The following CSMD2 variants were observed in gnomAD, a reference collection of about 807,000 sequenced individuals.
The protein encoded by CSMD2 is CUB and Sushi multiple domains 2.
Under a neutral mutation model 398.5 loss-of-function variants are expected in CSMD2, and 130 were observed. The ratio of observed to expected loss-of-function variants is 0.33; its 90% CI spans 0.28 to 0.38. The LOEUF (loss-of-function observed/expected upper bound fraction) is 0.38, where lower values mean the gene tolerates loss of function less well. Ranked by LOEUF, CSMD2 falls within the 10% of genes least tolerant of loss-of-function variation. CSMD2 has a pLI of 1.00. For missense variants in CSMD2, 3,829 were observed against 4,764.9 expected (o/e 0.80, Z 5.78); for synonymous variants, 1,828 against 1,908.5 (o/e 0.96, Z 1.10).
Position 33,581,992 on chromosome 1 carries a change from T to C in CSMD2, c.7241-1093A>G, listed in dbSNP as rs148256575. On this transcript the variant is annotated intron_variant, in intron 47 of 70. Coordinates refer to ENST00000373381, the MANE Select transcript of CSMD2 (RefSeq NM_001281956.2). ...AGGTCTGCTGTGTAAAAGTTGACCA[T>C]AGTTCTCAGGAAGACCTGGAGGACA... Among the ~76,000 whole-genome samples the C allele has an allele frequency of 1.5e-3, 230 of 152,294 alleles. 1 individual carries two copies. Among genetic ancestry groups the C allele is most frequent in the African/African-American group, 4.1e-3 (169 of 41,560 alleles).
chr1:33,616,925 G>T lies in CSMD2; in HGVS notation c.5997C>A (p.Tyr1999Ter). ...CMPGTVRRWN[Y>*]PPPLCIAQCG... ...TCTTACCAATACAGAGTGGAGGAGG[G>T]TAGTTCCATCGCCGCACTGTTCCGG... The change falls in exon 39 of 71, where the codon TAC (tyrosine) becomes TAA (stop). Residue 1999 changes from tyrosine (Y) to a stop codon, truncating the protein, a stop_gained. Coordinates refer to ENST00000373381, the MANE Select transcript of CSMD2 (RefSeq NM_001281956.2). LOFTEE classifies it high-confidence loss of function. The T allele has an allele frequency of 6.2e-7, 1 of 1,614,150 alleles. No homozygotes were observed. The highest frequency in any genetic ancestry group is 8.5e-7 in the Non-Finnish European group (1 of 1,179,974).
At chr1:34,144,056 G>C (rs187936614) in intron 1 of CSMD2, among the ~76,000 whole-genome samples, 57 of 152,168 alleles carry the variant, frequency 3.7e-4, no homozygotes, top group Admixed American at 3.7e-3. Flanking sequence ...AGAGATAAGC[G>C]GGCCAGATGA....
chr1:33,977,443 C>T (rs1178535376), intron 3 of CSMD2, among the ~76,000 whole-genome samples: 1 of 152,052 alleles, frequency 6.6e-6, no homozygotes, highest in Non-Finnish European at 1.5e-5. Flanking sequence ...CAGACACCCT[C>T]CCTATTACCC....
intron 10 of CSMD2, chr1:33,804,819 C>T (rs1449680468): frequency 1.4e-6 from 1 of 717,454 alleles, no homozygotes; most frequent in Admixed American, 2.0e-5. Flanking sequence ...AAGACAACTT[C>T]TATTCCTCAG....
intron 5 of CSMD2, chr1:33,878,261 T>C (rs766760120): frequency 6.6e-6 from 1 of 152,232 alleles, no homozygotes. Context: ...TCAGCTTCAG[T>C]AGACGATGAG....
intron 25 of CSMD2, among the ~76,000 whole-genome samples, chr1:33,690,092 A>G (rs1021877410): frequency 6.6e-6 from 1 of 151,902 alleles, no homozygotes; most frequent in African/African-American, 2.4e-5. Context: ...CACTCCGCCC[A>G]TTCTCCTCCA....
chr1:33,775,726 G>A (rs1651883920), intron 12 of CSMD2, among the ~76,000 whole-genome samples: 1 of 152,188 alleles, frequency 6.6e-6, no homozygotes, highest in Non-Finnish European at 1.5e-5. Context: ...TGGGTCTTAA[G>A]TTCAAGAGAG....
intron 5 of CSMD2, among the ~76,000 whole-genome samples, chr1:33,856,500 G>A (rs1167145204): frequency 6.6e-6 from 1 of 152,168 alleles, no homozygotes; most frequent in Non-Finnish European, 1.5e-5. Flanking sequence ...GGCACCGCTT[G>A]CCTTGCAGAA....
intron 2 of CSMD2, among the ~76,000 whole-genome samples, chr1:34,085,300 C>T (rs1571059717): frequency 1.3e-5 from 2 of 151,990 alleles, no homozygotes; most frequent in East Asian, 3.9e-4. Flanking sequence ...TTAATGGGTG[C>T]AGCACACCAA....
intron 10 of CSMD2, among the ~76,000 whole-genome samples, chr1:33,793,558 G>A (rs1557903622): frequency 6.6e-6 from 1 of 152,180 alleles, no homozygotes. Flanking sequence ...TGGTTCAAAA[G>A]GTCTCATACC....
intron 2 of CSMD2, among the ~76,000 whole-genome samples, chr1:34,077,900 A>G (rs999637736): frequency 1.3e-5 from 2 of 152,214 alleles, no homozygotes; most frequent in Non-Finnish European, 2.9e-5. Context: ...CAATGTATCC[A>G]TGTAAAGAAC....
chr1:33,871,789 G>A (rs557733035), intron 5 of CSMD2, among the ~76,000 whole-genome samples: 31 of 152,148 alleles, frequency 2.0e-4, no homozygotes, highest in African/African-American at 5.3e-4. Context: ...GCTAATTTTC[G>A]TATTTTTCAT....
At position 33,975,486 on chromosome 1, in the gene CSMD2, T is replaced by TACACACACACACACACACACACACAC. The variant is rs57095754; in HGVS notation, c.518-39558_518-39533dup. Reference sequence around the variant, plus strand: ...CCACAGATCCTCCCTCTCCCAAGTGTACACACACACACACACACACACACA... The same window carrying TACACACACACACACACACACACACAC: ...CCACAGATCCTCCCTCTCCCAAGTGTACACACACACACACACACACACACACACACACACACACACACACACACACA... On this transcript the variant is annotated intron_variant, in intron 3 of 70. Coordinates refer to ENST00000373381, the MANE Select transcript of CSMD2 (RefSeq NM_001281956.2). Among the ~76,000 whole-genome samples the TACACACACACACACACACACACACAC allele has an allele frequency of 4.9e-4, 72 of 146,458 alleles. 1 individual carries two copies. Among genetic ancestry groups the TACACACACACACACACACACACACAC allele is most frequent in the African/African-American group, 1.7e-3 (68 of 39,772 alleles).
intron 13 of CSMD2, among the ~76,000 whole-genome samples, chr1:33,755,571 G>A (rs1020687026): frequency 3.3e-5 from 5 of 152,204 alleles, no homozygotes; most frequent in Non-Finnish European, 1.5e-5. Flanking sequence ...CATTTCCTGA[G>A]CACATGTATG....
intron 12 of CSMD2, among the ~76,000 whole-genome samples, 191 bp from the exon 13 acceptor site, chr1:33,772,942 G>A (rs1651482847): frequency 6.6e-6 from 1 of 152,182 alleles, no homozygotes; most frequent in Non-Finnish European, 1.5e-5. Context: ...TTTCATCGCA[G>A]CATCCTAGGA....
intron 12 of CSMD2, among the ~76,000 whole-genome samples, chr1:33,774,258 T>C (rs906169995): frequency 5.9e-5 from 9 of 152,024 alleles, no homozygotes; most frequent in Non-Finnish European, 1.2e-4. Context: ...CCCACTTGCC[T>C]CTCACCTCAC....
rs145381047 is a variant in CSMD2 at position 33,930,207 on chromosome 1, T to C, written c.712+5553A>G. ...AGGCACTCAAGAGAAAGTTGTTGAG[T>C]AGCCAAGTGAATAAAATGAGGACAC... is the stretch of plus-strand genomic sequence containing the variant. On this transcript the variant is annotated intron_variant, in intron 4 of 70. Transcript: ENST00000373381. Among the ~76,000 whole-genome samples the C allele has an allele frequency of 2.0e-3, 312 of 152,276 alleles. 3 individuals are homozygous for C. The highest frequency in any genetic ancestry group is 0.02 in the East Asian group (104 of 5,176).
intron 10 of CSMD2, among the ~76,000 whole-genome samples, chr1:33,798,083 T>C (rs1484801440): frequency 6.6e-6 from 1 of 152,166 alleles, no homozygotes; most frequent in East Asian, 1.9e-4. Context: ...GCACTCTCTT[T>C]TTTTCGTTTC....
chr1:33,846,163 G>A (rs1426468952), intron 6 of CSMD2, among the ~76,000 whole-genome samples: 3 of 152,198 alleles, frequency 2.0e-5, no homozygotes, highest in Admixed American at 2.0e-4. Flanking sequence ...TCCAGTTACA[G>A]ACAGCTCCTT....
Sources: gnomAD v4.1 joint callset for allele counts (sites outside exome capture counted in the v4.1 genomes callset) on GRCh38, gnomAD v4.1.1 for gene constraint, MANE v1.5 for transcripts, NCBI Gene and HGNC (gene_info 2026-07-23, HGNC 2026-07-21) for gene names.